Variants in PROS1 observed in about 807,000 individuals in gnomAD.
PROS1 encodes protein S.
PROS1 carries 29 observed loss-of-function variants against 75.9 expected under a neutral mutation model. That is an observed-to-expected ratio of 0.38 (90% CI 0.28 to 0.52). The LOEUF (loss-of-function observed/expected upper bound fraction) is 0.52, where lower values mean the gene tolerates loss of function less well. Ranked by LOEUF, PROS1 falls within the 20% of genes least tolerant of loss-of-function variation. The pLI, the probability that PROS1 is intolerant of heterozygous loss-of-function variation, is 0.83. For missense variants in PROS1, 680 were observed against 810.3 expected, an observed-to-expected ratio of 0.84 and a Z score of 1.95; for synonymous variants, 245 against 280.6, an observed-to-expected ratio of 0.87 and a Z score of 1.27.
In PROS1 at chr3:93,959,895, A is replaced by G. The variant is rs570711861; in HGVS notation, c.76+13779T>C. ...GCTACATTAATAGCCAACTCAGTGT[A>G]ATAATACTAAGTAACTACCAGCTGG... is the stretch of plus-strand genomic sequence containing the variant. On this transcript the variant is annotated intron_variant, in intron 1 of 14. Transcript: ENST00000394236. Among the ~76,000 whole-genome samples the G allele has an allele frequency of 5.3e-4, 81 of 152,302 alleles. 3 individuals carry two copies. Among genetic ancestry groups the G allele is most frequent in the Middle Eastern group, 6.8e-3 (2 of 294 alleles).
chr3:93,911,674 T>C (rs1708761375), intron 3 of PROS1, among the ~76,000 whole-genome samples: 1 of 152,220 alleles, frequency 6.6e-6, no homozygotes, highest in African/African-American at 2.4e-5. Flanking sequence ...TGATAGATCA[T>C]GCTTCAAAGT....
At chr3:93,914,705 G>A (rs186811716) in intron 3 of PROS1, among the ~76,000 whole-genome samples, 108 of 152,168 alleles carry the variant, frequency 7.1e-4, no homozygotes, top group Admixed American at 1.9e-3. Context: ...GGGGGGAATA[G>A]GTGGTGTTTG....
At chr3:93,962,645 C>T (rs8178591) in intron 1 of PROS1, among the ~76,000 whole-genome samples, 28,685 of 152,112 alleles carry the variant, frequency 0.19, 3,244 homozygotes, top group Non-Finnish European at 0.25. Context: ...GAGGCTTATG[C>T]AAGTCAGCTG....
chr3:93,930,621 A>C (rs1260560290), intron 1 of PROS1, among the ~76,000 whole-genome samples: 1 of 152,228 alleles, frequency 6.6e-6, no homozygotes, highest in African/African-American at 2.4e-5. Flanking sequence ...GGTACAAAGC[A>C]GGTGTAATAA....
intron 4 of PROS1, among the ~76,000 whole-genome samples, chr3:93,908,709 G>A (rs1313020767): frequency 6.6e-6 from 1 of 152,118 alleles, no homozygotes; most frequent in Non-Finnish European, 1.5e-5. Flanking sequence ...TCCTCACAAG[G>A]ACTTATTATT....
At chr3:93,908,205 C>G (rs1486216886) in intron 4 of PROS1, among the ~76,000 whole-genome samples, 1 of 152,136 alleles carries the variant, frequency 6.6e-6, no homozygotes, top group African/African-American at 2.4e-5. Context: ...GATTTATCTT[C>G]CTGCCTTAAA....
chr3:93,964,406 C>T (rs568371272), intron 1 of PROS1, among the ~76,000 whole-genome samples: 54 of 152,208 alleles, frequency 3.5e-4, no homozygotes, highest in African/African-American at 1.2e-3. Context: ...CGCTTATAAA[C>T]GGCCACTCTG....
rs777166983 is a variant in PROS1 at position 93,886,355 on chromosome 3, T to C, written c.1304A>G (p.Glu435Gly). ...CATTACCGGTTTAATGAGTTCACTT[T>C]CCACTTTCCGAGGGAATCCTGCAAA... ...VYFAGFPRKV[E>G]SELIKPINPR... The change falls in exon 11 of 15, where the codon GAA becomes GGA. Residue 435 changes from glutamate to glycine, a missense_variant. Coordinates refer to ENST00000394236, the MANE Select transcript of PROS1 (RefSeq NM_000313.4). 1 of 1,613,752 alleles carries C rather than the reference T, an allele frequency of 6.2e-7. No individual in the cohort carries two copies. Among genetic ancestry groups the C allele is most frequent in the South Asian group, 1.1e-5 (1 of 91,076 alleles).
chr3:93,948,503 T>C (rs981673406), intron 1 of PROS1, among the ~76,000 whole-genome samples: 1 of 152,150 alleles, frequency 6.6e-6, no homozygotes, highest in Non-Finnish European at 1.5e-5. Context: ...ATGTTGACAA[T>C]GGGGTGTTAA....
chr3:93,918,072 C>T (rs1308981454), intron 3 of PROS1, among the ~76,000 whole-genome samples: 1 of 152,140 alleles, frequency 6.6e-6, no homozygotes. Context: ...CCTTGGAGAA[C>T]CTTTATGTCT....
At chr3:93,956,610 C>T (rs781459294) in intron 1 of PROS1, among the ~76,000 whole-genome samples, 3 of 149,352 alleles carry the variant, frequency 2.0e-5, no homozygotes, top group African/African-American at 7.4e-5. Flanking sequence ...TTCTTTCAAG[C>T]CTCACAAGAT....
chr3:93,934,265 AAAT>A lies in PROS1; in HGVS notation c.77-6861_77-6859del, dbSNP rs537673914. Among the ~76,000 whole-genome samples the A allele has an allele frequency of 6.9e-3, 1,053 of 152,256 alleles. 8 individuals carry two copies. The highest frequency in any genetic ancestry group is 0.024 in the African/African-American group (989 of 41,556). On this transcript the variant is annotated intron_variant, in intron 1 of 14. Coordinates refer to ENST00000394236, the MANE Select transcript of PROS1 (RefSeq NM_000313.4). ...GGCTGTATATTCAAAAATGTATTTAAAATAATTACATTAACTATAAAATACTTC... is the reference window on the plus strand; with the variant it reads ...GGCTGTATATTCAAAAATGTATTTAAAATTACATTAACTATAAAATACTTC...
chr3:93,939,456 A>T (rs1469199474), intron 1 of PROS1, among the ~76,000 whole-genome samples: 1 of 152,002 alleles, frequency 6.6e-6, no homozygotes, highest in Non-Finnish European at 1.5e-5. Flanking sequence ...GCTCCCCGCC[A>T]GGCTGAATCA....
chr3:93,905,731 T>A, intron 6 of PROS1, 53 bp downstream of exon 6: 1 of 1,582,502 alleles, frequency 6.3e-7, no homozygotes, highest in Non-Finnish European at 8.6e-7. Flanking sequence ...TTTCTCTAAC[T>A]GGGATTATTC....
In PROS1 at chr3:93,949,521, A is replaced by G. The variant is rs1288881123; in HGVS notation, c.77-22114T>C. Among the ~76,000 whole-genome samples, 5 of 152,332 alleles carry G rather than the reference A, an allele frequency of 3.3e-5. No homozygotes were observed. In the East Asian group the frequency reaches 7.7e-4, roughly 23 times the overall value. On this transcript the variant is annotated intron_variant, in intron 1 of 14. Coordinates refer to ENST00000394236, the MANE Select transcript of PROS1 (RefSeq NM_000313.4). ...AACACAATCTGTACTAGTAAAAATC[A>G]AGGTGCAAAGTAGGAAAAAAGATGC...
intron 1 of PROS1, 83 bp downstream of exon 1, chr3:93,973,591 A>T: frequency 6.9e-7 from 1 of 1,441,204 alleles, no homozygotes; most frequent in Non-Finnish European, 9.6e-7. Context: ...CTGCAGCTCT[A>T]GAGAAGAAAA....
intron 1 of PROS1, among the ~76,000 whole-genome samples, chr3:93,946,464 A>G (rs1025060907): frequency 1.3e-5 from 2 of 152,214 alleles, no homozygotes; most frequent in African/African-American, 4.8e-5. Flanking sequence ...AGAGATATAG[A>G]CCAATGGAAC....
chr3:93,973,554 G>T (rs1474951991), intron 1 of PROS1, 120 bp downstream of exon 1: 2 of 1,015,962 alleles, frequency 2.0e-6, no homozygotes, highest in East Asian at 2.6e-5. Flanking sequence ...GGTGTCTGTC[G>T]GTACTTACTG....
chr3:93,906,560 T>C (rs1018483925), intron 4 of PROS1, among the ~76,000 whole-genome samples: 1 of 152,216 alleles, frequency 6.6e-6, no homozygotes, highest in African/African-American at 2.4e-5. Context: ...GCATCCACTC[T>C]GATCTTAGAG....
Sources: gnomAD v4.1 joint callset for allele counts (sites outside exome capture counted in the v4.1 genomes callset) on GRCh38, gnomAD v4.1.1 for gene constraint, MANE v1.5 for transcripts, NCBI Gene and HGNC (gene_info 2026-07-23, HGNC 2026-07-21) for gene names.